Variants in LYST observed in about 807,000 individuals in gnomAD.
LYST encodes lysosomal-trafficking regulator.
A neutral mutation model predicts 413.6 loss-of-function variants in LYST; 192 were observed. That is an observed-to-expected ratio of 0.46 (90% CI 0.41 to 0.52). The LOEUF is 0.52. Ranked by LOEUF, LYST falls within the 20% of genes least tolerant of loss-of-function variation. The pLI is 0.00. For missense variants in LYST, 3,815 were observed against 4,499.9 expected, an observed-to-expected ratio of 0.85 and a Z score of 4.35; for synonymous variants, 1,525 against 1,567.3, an observed-to-expected ratio of 0.97 and a Z score of 0.64.
chr1:235,712,752 A>G (rs1662504552), intron 42 of LYST: 1 of 985,098 alleles, frequency 1.0e-6, no homozygotes, highest in Non-Finnish European at 1.2e-6. Flanking sequence ...TGAGCTAAAG[A>G]ATTGAGTAAA....
At chr1:235,824,741 G>A (rs1015633018) in intron 3 of LYST, among the ~76,000 whole-genome samples, 2 of 152,120 alleles carry the variant, frequency 1.3e-5, no homozygotes, top group African/African-American at 4.8e-5. Context: ...AAAAACTACC[G>A]CTGAGCGCAG....
intron 1 of LYST, among the ~76,000 whole-genome samples, chr1:235,865,420 T>C (rs974904261): frequency 6.6e-6 from 1 of 152,238 alleles, no homozygotes; most frequent in Admixed American, 6.5e-5. Context: ...CCCACTAGAA[T>C]ATAAGCTCCA....
intron 17 of LYST, among the ~76,000 whole-genome samples, 168 bp from the exon 18 acceptor site, chr1:235,775,254 T>G (rs1669119149): frequency 6.6e-6 from 1 of 152,094 alleles, no homozygotes; most frequent in Non-Finnish European, 1.5e-5. Flanking sequence ...AAACTGAGAG[T>G]AAGGCATAAA....
intron 47 of LYST, among the ~76,000 whole-genome samples, chr1:235,691,481 A>T (rs960300603): frequency 5.9e-5 from 9 of 152,222 alleles, no homozygotes; most frequent in Non-Finnish European, 8.8e-5. Flanking sequence ...GGTATAAAAG[A>T]TGGCACTATG....
intron 40 of LYST, among the ~76,000 whole-genome samples, chr1:235,720,139 C>T (rs1317813532): frequency 7.7e-6 from 1 of 129,106 alleles, no homozygotes; most frequent in Non-Finnish European, 1.6e-5. Flanking sequence ...TGCGCCACTG[C>T]ACTCCAGCCT....
chr1:235,764,668 T>A (rs1283977072), intron 21 of LYST, among the ~76,000 whole-genome samples: 2 of 150,390 alleles, frequency 1.3e-5, no homozygotes, highest in Non-Finnish European at 3.0e-5. Flanking sequence ...CCAGGCTAAT[T>A]TTTTTTTTAT....
At position 235,819,688 on chromosome 1, in the gene LYST, C is replaced by T. The variant is rs189006549; in HGVS notation, c.193-6627G>A. On this transcript the variant is annotated intron_variant, in intron 3 of 52. Transcript: ENST00000389793. Reference sequence around the variant, plus strand: ...TTGAGATGGAGTCTCACTCTGCCACCCAGCTGGAGTGCAGTGGCGTGATCT... The same window carrying T: ...TTGAGATGGAGTCTCACTCTGCCACTCAGCTGGAGTGCAGTGGCGTGATCT... Among the ~76,000 whole-genome samples the T allele has an allele frequency of 7.8e-3, 1,194 of 152,308 alleles. 9 individuals are homozygous for T. The highest frequency in any genetic ancestry group is 0.012 in the Non-Finnish European group (836 of 68,026).
chr1:235,670,127 C>G (rs1658813638), intron 50 of LYST, among the ~76,000 whole-genome samples: 1 of 152,170 alleles, frequency 6.6e-6, no homozygotes, highest in Non-Finnish European at 1.5e-5. Context: ...CAGACTTGTT[C>G]TGTAAACTAC....
intron 49 of LYST, 139 bp downstream of exon 49, chr1:235,677,341 T>C: frequency 9.1e-7 from 1 of 1,099,282 alleles, no homozygotes. Context: ...ATATAATAGG[T>C]AATCTTACTA....
chr1:235,812,286 T>C (rs1422778395), intron 4 of LYST, among the ~76,000 whole-genome samples: 1 of 152,046 alleles, frequency 6.6e-6, no homozygotes, highest in Admixed American at 6.6e-5. Flanking sequence ...GGCAGATTAC[T>C]TGAGGTCAGG....
At chr1:235,757,590 C>T (rs1667162590) in intron 23 of LYST, 132 bp from the exon 24 acceptor site, 2 of 725,506 alleles carry the variant, frequency 2.8e-6, no homozygotes, top group Admixed American at 4.3e-5. Context: ...GAAATGTTTC[C>T]TAATTTAACT....
intron 44 of LYST, 40 bp downstream of exon 44, chr1:235,709,051 A>G: frequency 1.3e-6 from 2 of 1,556,428 alleles, no homozygotes; most frequent in Non-Finnish European, 1.8e-6. Flanking sequence ...TTCAGGTTCT[A>G]TCTTATATAA....
chr1:235,669,448 G>T (rs1376998413), intron 50 of LYST, among the ~76,000 whole-genome samples: 2 of 152,220 alleles, frequency 1.3e-5, no homozygotes, highest in African/African-American at 4.8e-5. Flanking sequence ...TGGGAAATTG[G>T]CTGTCTGCAA....
intron 1 of LYST, among the ~76,000 whole-genome samples, chr1:235,837,280 A>G (rs1676676294): frequency 6.6e-6 from 1 of 152,170 alleles, no homozygotes; most frequent in Non-Finnish European, 1.5e-5. Flanking sequence ...ATCTCCCAGA[A>G]ACCAGGTGAA....
intron 46 of LYST, among the ~76,000 whole-genome samples, chr1:235,694,975 C>T (rs957281986): frequency 2.0e-5 from 3 of 152,204 alleles, no homozygotes; most frequent in African/African-American, 7.2e-5. Context: ...GATTCTGATG[C>T]AGTGTGTCTC....
chr1:235,808,140 T>C (rs896098380), intron 5 of LYST, among the ~76,000 whole-genome samples: 4 of 152,226 alleles, frequency 2.6e-5, no homozygotes, highest in African/African-American at 9.6e-5. Flanking sequence ...AAAACTTTTC[T>C]TTTTGTTGAG....
chr1:235,777,465 C>T (rs1273232404), intron 16 of LYST, among the ~76,000 whole-genome samples, 157 bp from the exon 17 acceptor site: 4 of 152,164 alleles, frequency 2.6e-5, no homozygotes, highest in Non-Finnish European at 2.9e-5. Context: ...ACATTAGAAG[C>T]AAGGCTGTTT....
intron 39 of LYST, 109 bp from the exon 40 acceptor site, chr1:235,721,014 C>CA: frequency 3.5e-6 from 4 of 1,131,180 alleles, no homozygotes; most frequent in South Asian, 2.6e-5. Flanking sequence ...TCATGTCCTC[C>CA]AAAAAAAGAT....
rs1460015611 is a variant in LYST at position 235,662,117 on chromosome 1, T to C, written c.*823A>G. ...ATACTGAAGGCTTTCTATTGCAAAT[T>C]GGTACAGATTCAATGCTCTGTAAAT... On this transcript the variant is annotated 3_prime_UTR_variant, in exon 53 of 53. Coordinates refer to ENST00000389793, the MANE Select transcript of LYST (RefSeq NM_000081.4). 4.6e-5 allele frequency: 7 copies of C among 152,232 alleles called. No homozygotes were observed. In the East Asian group the frequency reaches 1.3e-3, roughly 29 times the overall value. The allele number at this position is 152,232 out of a possible 1,614,324, so 9.4% of individuals were successfully genotyped here. A position where few individuals can be genotyped will look rare whatever the true frequency, so the allele number is the denominator to read the frequency against.
Sources: allele counts gnomAD v4.1 joint callset (sites outside exome capture counted in the v4.1 genomes callset), GRCh38; gene constraint gnomAD v4.1.1; transcripts MANE v1.5; gene names NCBI Gene and HGNC (gene_info 2026-07-23, HGNC 2026-07-21).